Variants in DLG2 observed in about 807,000 individuals in gnomAD.
DLG2 encodes the protein disks large homolog 2.
Under a neutral mutation model 132.5 loss-of-function variants are expected in DLG2, and 45 were observed. The observed-to-expected ratio is 0.34, with a 90% CI of 0.27 to 0.44. The LOEUF (loss-of-function observed/expected upper bound fraction) is 0.44. Among genes scored for constraint, DLG2 ranks in the 20% least tolerant of loss-of-function variants. The probability of loss-of-function intolerance (pLI) is 1.00; values close to 1 mark genes in which losing one functional copy is unlikely to be tolerated. For missense variants in DLG2, 1,045 were observed against 1,196.9 expected (o/e 0.87, Z 1.87); for synonymous variants, 424 against 419.6 (o/e 1.01, Z -0.13).
intron 10 of DLG2, among the ~76,000 whole-genome samples, chr11:84,092,699 T>C (rs1394581263): frequency 6.6e-6 from 1 of 151,878 alleles, no homozygotes; most frequent in African/African-American, 2.4e-5. Context: ...CACAGGAAGG[T>C]TTTTCATAAT....
At chr11:83,547,710 T>C (rs192167020) in intron 19 of DLG2, among the ~76,000 whole-genome samples, 1 of 152,176 alleles carries the variant, frequency 6.6e-6, no homozygotes, top group Non-Finnish European at 1.5e-5. Context: ...TATTTTAGTC[T>C]GGTGAGATCT....
At chr11:85,531,783 C>T (rs1167939699) in intron 3 of DLG2, among the ~76,000 whole-genome samples, 2 of 152,130 alleles carry the variant, frequency 1.3e-5, no homozygotes, top group Non-Finnish European at 2.9e-5. Context: ...GAAAAGAAGG[C>T]TTCTTTCTTA....
intron 4 of DLG2, among the ~76,000 whole-genome samples, chr11:85,181,559 C>T (rs1363060919): frequency 2.0e-5 from 3 of 151,264 alleles, no homozygotes; most frequent in South Asian, 2.1e-4. Flanking sequence ...ATTTTGTTTC[C>T]GTTCCCTTGT....
chr11:84,571,624 A>G (rs141913972), intron 6 of DLG2, among the ~76,000 whole-genome samples: 1 of 152,180 alleles, frequency 6.6e-6, no homozygotes, highest in Non-Finnish European at 1.5e-5. Context: ...CCTTTTCCCT[A>G]TGAACAAGCA....
At chr11:85,138,171 A>G (rs947318468) in intron 5 of DLG2, among the ~76,000 whole-genome samples, 1 of 152,162 alleles carries the variant, frequency 6.6e-6, no homozygotes, top group Non-Finnish European at 1.5e-5. Context: ...AGTTTTTCTC[A>G]TGTGAGTTGG....
chr11:83,654,798 C>T (rs10466697), intron 18 of DLG2, among the ~76,000 whole-genome samples: 12,327 of 152,274 alleles, frequency 0.081, 1,033 homozygotes, highest in African/African-American at 0.21. Context: ...AATGAGGTTA[C>T]AGCATGCTAG....
chr11:83,693,526 G>A (rs748104688), intron 18 of DLG2, among the ~76,000 whole-genome samples: 8 of 152,074 alleles, frequency 5.3e-5, no homozygotes, highest in Non-Finnish European at 1.0e-4. Flanking sequence ...ACCCTTCTTT[G>A]TGGAGGACAC....
intron 6 of DLG2, among the ~76,000 whole-genome samples, chr11:84,650,878 T>TAC (rs1204686805): frequency 1.2e-4 from 11 of 93,218 alleles, no homozygotes; most frequent in South Asian, 3.9e-4. Context: ...TGTGTGTATA[T>TAC]ATATATATAT....
chr11:85,456,117 G>C (rs2153049174), intron 3 of DLG2, among the ~76,000 whole-genome samples: 1 of 152,034 alleles, frequency 6.6e-6, no homozygotes, highest in East Asian at 1.9e-4. Context: ...GGCTTTTTTT[G>C]GTAGGTAGGC....
intron 6 of DLG2, among the ~76,000 whole-genome samples, chr11:85,023,835 C>T (rs537337544): frequency 3.0e-4 from 45 of 151,938 alleles, no homozygotes; most frequent in Non-Finnish European, 5.7e-4. Flanking sequence ...ATTTCATATC[C>T]TCATTAAATT....
intron 17 of DLG2, among the ~76,000 whole-genome samples, chr11:83,814,195 A>G (rs766619426): frequency 6.6e-6 from 1 of 152,166 alleles, no homozygotes; most frequent in Non-Finnish European, 1.5e-5. Context: ...GCATATACAT[A>G]CAAGGCAAGT....
rs72943784 is a variant in DLG2, at chr11:84,650,749, T to G, written c.358-116018A>C. On this transcript the variant is annotated intron_variant, in intron 6 of 27. Transcript: ENST00000376104. ...GCTTCAGAGGCTCTCCCAATAAGTA[T>G]ATACTGATCACAGTATTTAAGAGAT... 5.2e-3 allele frequency among the ~76,000 whole-genome samples: 784 copies of G among 151,892 alleles called. 6 individuals carry two copies. Among genetic ancestry groups the G allele is most frequent in the Non-Finnish European group, 9.1e-3 (617 of 67,918 alleles).
intron 18 of DLG2, among the ~76,000 whole-genome samples, chr11:83,773,065 A>G (rs957300144): frequency 1.3e-5 from 2 of 152,240 alleles, no homozygotes; most frequent in Non-Finnish European, 2.9e-5. Context: ...TGATTAGCAA[A>G]CTTATGGAAA....
intron 6 of DLG2, among the ~76,000 whole-genome samples, chr11:84,574,567 C>T (rs2154528231): frequency 6.6e-6 from 1 of 152,226 alleles, no homozygotes; most frequent in Non-Finnish European, 1.5e-5. Context: ...TTTGCCTGTG[C>T]TTTGAATGTT....
chr11:85,124,675 C>T (rs1289033428), intron 5 of DLG2, among the ~76,000 whole-genome samples: 2 of 152,124 alleles, frequency 1.3e-5, no homozygotes, highest in East Asian at 3.8e-4. Context: ...CAAGACAGGT[C>T]CCTCAGGTAG....
intron 6 of DLG2, among the ~76,000 whole-genome samples, chr11:84,691,552 G>T (rs2058045222): frequency 6.6e-6 from 1 of 151,490 alleles, no homozygotes; most frequent in African/African-American, 2.4e-5. Flanking sequence ...CATTAAAGTA[G>T]GCCTTTGGGT....
At chr11:84,002,667 C>T (rs2094410826) in intron 11 of DLG2, among the ~76,000 whole-genome samples, 3 of 152,094 alleles carry the variant, frequency 2.0e-5, no homozygotes, top group South Asian at 2.1e-4. Flanking sequence ...CATAAAGCAG[C>T]AAGGCCCTCG....
intron 6 of DLG2, among the ~76,000 whole-genome samples, chr11:85,036,625 T>C (rs2061457275): frequency 6.6e-6 from 1 of 152,268 alleles, no homozygotes; most frequent in African/African-American, 2.4e-5. Flanking sequence ...ACTTTAGTTC[T>C]ATAAATATTA....
At chr11:83,671,275 T>TA (rs1366351515) in intron 18 of DLG2, among the ~76,000 whole-genome samples, 38 of 152,186 alleles carry the variant, frequency 2.5e-4, no homozygotes, top group African/African-American at 8.9e-4. Context: ...AAATGCTGTG[T>TA]GGTATATAGA....
Sources: allele counts gnomAD v4.1 joint callset (sites outside exome capture counted in the v4.1 genomes callset), GRCh38; gene constraint gnomAD v4.1.1; transcripts MANE v1.5; gene names NCBI Gene and HGNC (gene_info 2026-07-23, HGNC 2026-07-21).